The following EYS variants were observed in gnomAD, a reference collection of about 807,000 sequenced individuals.
EYS encodes the protein EGF-like photoreceptor maintenance factor.
EYS carries 250 observed loss-of-function variants against 282.1 expected under a neutral mutation model. That is an observed-to-expected ratio of 0.89 (90% confidence interval 0.80 to 0.98). The LOEUF (loss-of-function observed/expected upper bound fraction) is 0.98. Among genes scored for constraint, EYS ranks in the 50% least tolerant of loss-of-function variants. EYS has a pLI of 0.00. For synonymous variants in EYS, 1,355 were observed against 1,282.9 expected (o/e 1.06, Z -1.20); for missense variants, 4,016 against 3,709.0 (o/e 1.08, Z -2.15).
intron 13 of EYS, among the ~76,000 whole-genome samples, chr6:65,020,975 G>A (rs1320653410): frequency 6.6e-6 from 1 of 152,150 alleles, no homozygotes; most frequent in African/African-American, 2.4e-5. Context: ...CAAGTCCCAA[G>A]GCTGCACACA....
chr6:64,549,368 G>T (rs77118997), intron 26 of EYS, among the ~76,000 whole-genome samples: 1,705 of 152,264 alleles, frequency 0.011, 38 homozygotes, highest in African/African-American at 0.039. Flanking sequence ...ATTTGTCCAT[G>T]TCATGATTCT....
chr6:65,145,191 C>T (rs1764446266), intron 12 of EYS, among the ~76,000 whole-genome samples: 1 of 151,972 alleles, frequency 6.6e-6, no homozygotes, highest in African/African-American at 2.4e-5. Flanking sequence ...ATTTTATTCA[C>T]TTAATATCTA....
chr6:63,847,050 A>G (rs560331581), intron 36 of EYS, among the ~76,000 whole-genome samples: 1 of 152,332 alleles, frequency 6.6e-6, no homozygotes, highest in Non-Finnish European at 1.5e-5. Context: ...GGATAACATT[A>G]AATAATTCAT....
At chr6:64,778,033 T>C (rs559131171) in intron 22 of EYS, among the ~76,000 whole-genome samples, 1 of 152,210 alleles carries the variant, frequency 6.6e-6, no homozygotes, top group East Asian at 1.9e-4. Flanking sequence ...ATCTATTGCT[T>C]TTAGAAAAGG....
chr6:64,561,991 C>A (rs1029804317), intron 26 of EYS, among the ~76,000 whole-genome samples: 8 of 149,498 alleles, frequency 5.4e-5, no homozygotes, highest in African/African-American at 2.0e-4. Flanking sequence ...TATTACCTGA[C>A]TTTATACTAC....
At chr6:65,599,233 A>C (rs1339215318) in intron 2 of EYS, among the ~76,000 whole-genome samples, 4 of 151,934 alleles carry the variant, frequency 2.6e-5, no homozygotes, top group African/African-American at 7.3e-5. Flanking sequence ...TATTGAAAAA[A>C]ATCTGCATAT....
intron 1 of EYS, among the ~76,000 whole-genome samples, chr6:65,671,455 C>CA (rs911816470): frequency 9.9e-5 from 15 of 150,790 alleles, no homozygotes; most frequent in East Asian, 5.9e-4. Flanking sequence ...AAACTTTGAA[C>CA]AAAAAAAACT....
chr6:65,370,710 C>T (rs978633624), intron 8 of EYS, among the ~76,000 whole-genome samples: 3 of 151,808 alleles, frequency 2.0e-5, no homozygotes, highest in Non-Finnish European at 2.9e-5. Context: ...GTCAATTTAG[C>T]TCTGACTATC....
chr6:65,178,105 C>G (rs1050557374), intron 12 of EYS, among the ~76,000 whole-genome samples: 1 of 151,746 alleles, frequency 6.6e-6, no homozygotes. Context: ...ACTGGCACCC[C>G]CCGAGTATCC....
At position 64,176,527 on chromosome 6, in the gene EYS, T is replaced by G. The variant is rs200279683; in HGVS notation, c.6424+54065A>C. ...TGTGTGTGTGTGTGTGTGTGTGTGT[T>G]TGTGTATGTACCAAATACGCGTGAA... On this transcript the variant is annotated intron_variant, in intron 31 of 42. Transcript: ENST00000503581. Among the ~76,000 whole-genome samples, 858 of 150,270 alleles carry G rather than the reference T, an allele frequency of 5.7e-3. 10 individuals carry two copies. The highest frequency in any genetic ancestry group is 0.02 in the African/African-American group (816 of 40,944).
chr6:64,048,604 A>T (rs899636869), intron 33 of EYS, among the ~76,000 whole-genome samples: 1 of 152,122 alleles, frequency 6.6e-6, no homozygotes, highest in African/African-American at 2.4e-5. Context: ...GGTGGGCTCA[A>T]ATGTTTTTCA....
intron 1 of EYS, among the ~76,000 whole-genome samples, chr6:65,661,846 TG>T (rs1463046876): frequency 6.6e-6 from 1 of 152,112 alleles, no homozygotes; most frequent in Non-Finnish European, 1.5e-5. Flanking sequence ...CAGCTATTCT[TG>T]GAAAATGCAT....
intron 1 of EYS, among the ~76,000 whole-genome samples, chr6:65,677,057 G>A (rs1236768060): frequency 8.0e-6 from 1 of 124,382 alleles, no homozygotes; most frequent in Middle Eastern, 5.0e-3. Flanking sequence ...ATCTCAACAC[G>A]ATGAAGGTAA....
intron 35 of EYS, among the ~76,000 whole-genome samples, chr6:63,875,722 T>G (rs1323833377): frequency 2.0e-5 from 3 of 152,218 alleles, no homozygotes; most frequent in African/African-American, 7.2e-5. Context: ...GTCAAGGAAT[T>G]TATCCATTTC....
intron 12 of EYS, among the ~76,000 whole-genome samples, chr6:65,082,829 TTAAG>T (rs1774263237): frequency 6.6e-6 from 1 of 152,026 alleles, no homozygotes; most frequent in South Asian, 2.1e-4. Context: ...ATATGAAATC[TTAAG>T]TAACATATTA....
chr6:65,486,229 T>C (rs1223908620), intron 5 of EYS, among the ~76,000 whole-genome samples: 1 of 152,216 alleles, frequency 6.6e-6, no homozygotes, highest in African/African-American at 2.4e-5. Flanking sequence ...TAAATACTTA[T>C]AGAGTAATGG....
chr6:64,660,033 C>T (rs1279453307), intron 22 of EYS, among the ~76,000 whole-genome samples: 2 of 152,160 alleles, frequency 1.3e-5, no homozygotes, highest in Non-Finnish European at 2.9e-5. Context: ...AAAAGCTTAT[C>T]CACTATGATC....
At chr6:65,041,012 C>A (rs1236874635) in intron 13 of EYS, among the ~76,000 whole-genome samples, 1 of 151,678 alleles carries the variant, frequency 6.6e-6, no homozygotes, top group African/African-American at 2.4e-5. Context: ...ATGTAGATTG[C>A]AGAATTGTAG....
chr6:65,275,022 A>G (rs1048213387), intron 12 of EYS, among the ~76,000 whole-genome samples: 1 of 152,038 alleles, frequency 6.6e-6, no homozygotes, highest in African/African-American at 2.4e-5. Context: ...AAAAGCTGCT[A>G]GTTTGAGTGG....
Sources: gnomAD v4.1 joint callset for allele counts (sites outside exome capture counted in the v4.1 genomes callset) on GRCh38, gnomAD v4.1.1 for gene constraint, MANE v1.5 for transcripts, NCBI Gene and HGNC (gene_info 2026-07-23, HGNC 2026-07-21) for gene names.